Variants in TTC28 observed in about 807,000 individuals in gnomAD.
The protein encoded by TTC28 is tetratricopeptide repeat protein 28.
TTC28 carries 61 observed loss-of-function variants against 198.0 expected under a neutral mutation model. That is an observed-to-expected ratio of 0.31 (90% CI 0.25 to 0.38). The LOEUF is 0.38. Among genes scored for constraint, TTC28 ranks in the 10% least tolerant of loss-of-function variants. The pLI is 1.00. For missense variants in TTC28, 2,678 were observed against 3,164.0 expected (o/e 0.85, Z 3.69); for synonymous variants, 1,171 against 1,297.8 (o/e 0.90, Z 2.10).
At chr22:28,636,709 A>T (rs1225115144) in intron 1 of TTC28, among the ~76,000 whole-genome samples, 1 of 151,486 alleles carries the variant, frequency 6.6e-6, no homozygotes, top group African/African-American at 2.4e-5. Context: ...CGCTCATTTT[A>T]AAAATCAGAT....
At chr22:28,043,734 G>C (rs1337445066) in intron 12 of TTC28, among the ~76,000 whole-genome samples, 1 of 152,166 alleles carries the variant, frequency 6.6e-6, no homozygotes, top group South Asian at 2.1e-4. Context: ...GAGGATTGCT[G>C]TTGGGGGAGA....
Position 28,571,973 on chromosome 22 carries a change from C to CA in TTC28, c.381+57578dup, listed in dbSNP as rs372116802. Among the ~76,000 whole-genome samples the CA allele has an allele frequency of 9.2e-3, 1,315 of 142,860 alleles. 21 individuals carry two copies. Among genetic ancestry groups the CA allele is most frequent in the African/African-American group, 0.031 (1,206 of 38,946 alleles). 93.7% of individuals were successfully genotyped at this position (142,860 alleles called of 152,430 possible). On this transcript the variant is annotated intron_variant, in intron 2 of 22. Coordinates refer to ENST00000397906, the MANE Select transcript of TTC28 (RefSeq NM_001145418.2). The stretch of plus-strand genomic sequence containing the variant: ...TCAAAAAAAAAAAAAAAAAAACAAA[C>CA]AAAAAAAAAACCGATAATGTATACT...
At chr22:28,478,897 C>T (rs1307979506) in intron 2 of TTC28, among the ~76,000 whole-genome samples, 2 of 152,220 alleles carry the variant, frequency 1.3e-5, no homozygotes, top group African/African-American at 4.8e-5. Flanking sequence ...ACATCACCCT[C>T]ATTTATTGTC....
At chr22:28,281,710 T>C (rs928056539) in intron 5 of TTC28, among the ~76,000 whole-genome samples, 1 of 152,228 alleles carries the variant, frequency 6.6e-6, no homozygotes, top group Non-Finnish European at 1.5e-5. Flanking sequence ...TATTATTCTA[T>C]ACAATATCAA....
intron 5 of TTC28, among the ~76,000 whole-genome samples, chr22:28,275,396 A>G (rs1449761924): frequency 6.6e-6 from 1 of 152,190 alleles, no homozygotes; most frequent in African/African-American, 2.4e-5. Context: ...ATAATTTGGT[A>G]GTTGTTTTTC....
At chr22:28,370,890 C>T (rs544897265) in intron 2 of TTC28, among the ~76,000 whole-genome samples, 1 of 152,280 alleles carries the variant, frequency 6.6e-6, no homozygotes, top group African/African-American at 2.4e-5. Flanking sequence ...TCAGGCCTTG[C>T]CCCAGATCTA....
intron 1 of TTC28, among the ~76,000 whole-genome samples, chr22:28,638,117 T>A (rs2051305110): frequency 6.6e-6 from 1 of 152,150 alleles, no homozygotes; most frequent in Non-Finnish European, 1.5e-5. Flanking sequence ...GGAACTTCAA[T>A]ATGCAACTTT....
At chr22:28,205,219 C>T (rs1479887512) in intron 5 of TTC28, among the ~76,000 whole-genome samples, 1 of 152,068 alleles carries the variant, frequency 6.6e-6, no homozygotes, top group African/African-American at 2.4e-5. Flanking sequence ...CACACACACA[C>T]ACAGAGACCG....
intron 5 of TTC28, among the ~76,000 whole-genome samples, chr22:28,294,546 A>G (rs2044852557): frequency 6.6e-6 from 1 of 152,004 alleles, no homozygotes; most frequent in Non-Finnish European, 1.5e-5. Flanking sequence ...AAAAAAGAGT[A>G]TAAATGCAGC....
At chr22:28,273,562 C>G (rs906912720) in intron 5 of TTC28, among the ~76,000 whole-genome samples, 3 of 151,304 alleles carry the variant, frequency 2.0e-5, no homozygotes, top group African/African-American at 7.3e-5. Flanking sequence ...AGCTGAAAGA[C>G]AGATAAAAAG....
intron 2 of TTC28, among the ~76,000 whole-genome samples, chr22:28,379,374 C>T (rs2046461679): frequency 6.6e-6 from 1 of 151,988 alleles, no homozygotes; most frequent in Non-Finnish European, 1.5e-5. Context: ...GTGGAGGCAA[C>T]CCAAGTTTCT....
At chr22:28,064,891 T>G (rs1366059176) in intron 12 of TTC28, among the ~76,000 whole-genome samples, 1 of 152,186 alleles carries the variant, frequency 6.6e-6, no homozygotes, top group Non-Finnish European at 1.5e-5. Flanking sequence ...GTTCAGCATT[T>G]TTTTCTTTTG....
chr22:28,023,096 C>T (rs1397873752), intron 13 of TTC28, among the ~76,000 whole-genome samples: 2 of 152,216 alleles, frequency 1.3e-5, no homozygotes, highest in African/African-American at 2.4e-5. Flanking sequence ...AATCTGGAGC[C>T]GCATGTGGCT....
intron 2 of TTC28, among the ~76,000 whole-genome samples, chr22:28,529,686 G>A (rs1159060846): frequency 1.3e-5 from 2 of 152,146 alleles, no homozygotes; most frequent in Non-Finnish European, 2.9e-5. Flanking sequence ...ATACAGCCAG[G>A]TGCCCCTACG....
intron 1 of TTC28, among the ~76,000 whole-genome samples, chr22:28,674,537 T>C (rs1466661416): frequency 1.3e-5 from 2 of 152,138 alleles, no homozygotes; most frequent in African/African-American, 4.8e-5. Flanking sequence ...TTAAGACCTG[T>C]TGGCTGGAGC....
intron 2 of TTC28, among the ~76,000 whole-genome samples, chr22:28,505,101 A>C (rs1166587178): frequency 6.6e-6 from 1 of 151,672 alleles, no homozygotes; most frequent in African/African-American, 2.4e-5. Flanking sequence ...TTAAAAATAC[A>C]AAAAAAGTAG....
chr22:28,380,994 C>T (rs1005802196), intron 2 of TTC28, among the ~76,000 whole-genome samples: 2 of 151,924 alleles, frequency 1.3e-5, no homozygotes, highest in Non-Finnish European at 1.5e-5. Flanking sequence ...CTATGAATTC[C>T]TACAGGAAGG....
intron 2 of TTC28, among the ~76,000 whole-genome samples, chr22:28,442,612 G>A (rs1055481861): frequency 2.0e-5 from 3 of 152,270 alleles, no homozygotes; most frequent in Non-Finnish European, 4.4e-5. Flanking sequence ...GTCGCTGTCT[G>A]CACAGGACTT....
At chr22:28,655,838 A>G (rs112469619) in intron 1 of TTC28, among the ~76,000 whole-genome samples, 20,470 of 151,058 alleles carry the variant, frequency 0.14, 1,639 homozygotes, top group African/African-American at 0.2. Flanking sequence ...GCGACAGAGC[A>G]AGACTCCGTC....
Sources: allele counts gnomAD v4.1 joint callset (sites outside exome capture counted in the v4.1 genomes callset), GRCh38; gene constraint gnomAD v4.1.1; transcripts MANE v1.5; gene names NCBI Gene and HGNC (gene_info 2026-07-23, HGNC 2026-07-21).